CLMP: variants seen among roughly 807,000 people sequenced by gnomAD.
CLMP encodes CXADR like cell adhesion molecule.
Under a neutral mutation model 45.2 loss-of-function variants are expected in CLMP, and 27 were observed. That is an observed-to-expected ratio of 0.60 (90% CI 0.44 to 0.82). CLMP has a LOEUF of 0.82. Ranked by LOEUF, CLMP falls within the 40% of genes least tolerant of loss-of-function variation. CLMP has a pLI of 0.00. For synonymous variants in CLMP, 167 were observed against 171.4 expected, an observed-to-expected ratio of 0.97 and a Z score of 0.20; for missense variants, 403 against 448.4, an observed-to-expected ratio of 0.90 and a Z score of 0.91.
chr11:123,135,417 G>A (rs1278421351), intron 1 of CLMP, among the ~76,000 whole-genome samples: 2 of 152,110 alleles, frequency 1.3e-5, no homozygotes, highest in Non-Finnish European at 2.9e-5. Flanking sequence ...GACTGACAAT[G>A]TCCCAAGAGG....
intron 1 of CLMP, among the ~76,000 whole-genome samples, chr11:123,150,429 AAGAAAGAAAG>A (rs1489016232): frequency 2.4e-5 from 1 of 41,210 alleles, no homozygotes; most frequent in Non-Finnish European, 4.8e-5. Context: ...GAAAGAAAGA[AAGAAAGAAAG>A]AAAGAAAGAA....
At chr11:123,140,227 G>C (rs150398626) in intron 1 of CLMP, among the ~76,000 whole-genome samples, 1 of 152,138 alleles carries the variant, frequency 6.6e-6, no homozygotes, top group Non-Finnish European at 1.5e-5. Context: ...TCGCTCAGGA[G>C]GTCAGGTGAA....
At position 123,142,719 on chromosome 11, in the gene CLMP, C is replaced by T. The variant is rs1036815821; in HGVS notation, c.29-44767G>A. Among the ~76,000 whole-genome samples the T allele has an allele frequency of 8.0e-5, 11 of 137,316 alleles. No homozygotes were observed. The East Asian group carries it at 8.5e-4, about 11-fold the overall frequency. 90.1% of individuals were successfully genotyped at this position (137,316 alleles called of 152,430 possible). A position where few individuals can be genotyped will look rare whatever the true frequency, so the allele number is the denominator to read the frequency against. ...TCGGCTCACTGCAAGCTCCGCTTCC[C>T]GGGTTCACGCCATTCTCCTGCCTCA... On this transcript the variant is annotated intron_variant, in intron 1 of 6. Coordinates refer to ENST00000448775, the MANE Select transcript of CLMP (RefSeq NM_024769.5).
intron 5 of CLMP, among the ~76,000 whole-genome samples, chr11:123,079,341 AT>A (rs1216937780): frequency 1.3e-4 from 19 of 151,580 alleles, no homozygotes; most frequent in South Asian, 2.1e-4. Flanking sequence ...TAAAAGGGTG[AT>A]TTTTTTTTCT....
chr11:123,119,232 C>T (rs141506125), intron 1 of CLMP, among the ~76,000 whole-genome samples: 13 of 151,640 alleles, frequency 8.6e-5, no homozygotes, highest in East Asian at 1.9e-4. Flanking sequence ...TACAGGCACG[C>T]GCCACCACAC....
At chr11:123,116,805 T>C (rs931037029) in intron 1 of CLMP, among the ~76,000 whole-genome samples, 2 of 152,218 alleles carry the variant, frequency 1.3e-5, no homozygotes, top group African/African-American at 4.8e-5. Context: ...ACTTTTCAGA[T>C]TTCACAATTC....
chr11:123,191,487 A>G (rs1861907333), intron 1 of CLMP: 1 of 152,234 alleles, frequency 6.6e-6, no homozygotes, highest in Non-Finnish European at 1.5e-5. Context: ...CCGTGCTGGC[A>G]GAAGTTTCAA....
chr11:123,141,330 A>G (rs538891099), intron 1 of CLMP, among the ~76,000 whole-genome samples: 54 of 151,314 alleles, frequency 3.6e-4, no homozygotes, highest in Middle Eastern at 6.9e-3. Flanking sequence ...GACTACAGGC[A>G]CCCGCCACCA....
At chr11:123,125,372 T>G (rs1860873478) in intron 1 of CLMP, among the ~76,000 whole-genome samples, 1 of 151,960 alleles carries the variant, frequency 6.6e-6, no homozygotes, top group African/African-American at 2.4e-5. Context: ...GCCTACAAGA[T>G]CAAGAGGAGA....
chr11:123,100,392 A>C (rs1866041817), intron 1 of CLMP, among the ~76,000 whole-genome samples: 1 of 152,164 alleles, frequency 6.6e-6, no homozygotes, highest in African/African-American at 2.4e-5. Flanking sequence ...GAAAAAAAAA[A>C]AAAAACCAAA....
chr11:123,105,816 G>GTTTTTTTTT (rs1294721686), intron 1 of CLMP, among the ~76,000 whole-genome samples: 1 of 139,106 alleles, frequency 7.2e-6, no homozygotes, highest in Admixed American at 7.4e-5. Flanking sequence ...TTGTTTGTTT[G>GTTTTTTTTT]TTTTTTGTTT....
chr11:123,146,211 C>T (rs1861236447), intron 1 of CLMP, among the ~76,000 whole-genome samples: 1 of 152,082 alleles, frequency 6.6e-6, no homozygotes, highest in African/African-American at 2.4e-5. Context: ...TCAGATTAGC[C>T]ATTCAAAGGA....
chr11:123,140,942 T>C (rs1861147353), intron 1 of CLMP, among the ~76,000 whole-genome samples: 1 of 152,038 alleles, frequency 6.6e-6, no homozygotes, highest in Non-Finnish European at 1.5e-5. Context: ...TTCTGGATCA[T>C]CTGTTAATTA....
intron 1 of CLMP, among the ~76,000 whole-genome samples, chr11:123,150,500 G>GAAA (rs1555084567): frequency 9.6e-6 from 1 of 103,784 alleles, no homozygotes; most frequent in Non-Finnish European, 2.0e-5. Context: ...AGGAAGGAAG[G>GAAA]AAGGAAGGAA....
intron 1 of CLMP, among the ~76,000 whole-genome samples, chr11:123,178,630 T>C (rs1025826616): frequency 3.3e-5 from 5 of 152,208 alleles, no homozygotes; most frequent in African/African-American, 1.2e-4. Flanking sequence ...GTTAGCATTA[T>C]TGTGACAACT....
intron 1 of CLMP, among the ~76,000 whole-genome samples, chr11:123,177,058 C>T (rs149789360): frequency 2.0e-5 from 3 of 152,152 alleles, no homozygotes; most frequent in African/African-American, 2.4e-5. Flanking sequence ...GTAGCAGGTG[C>T]GGGTGATTGT....
intron 1 of CLMP, among the ~76,000 whole-genome samples, chr11:123,170,205 T>C (rs11219040): frequency 0.46 from 69,428 of 151,984 alleles, 18,222 homozygotes; most frequent in East Asian, 0.6. Flanking sequence ...ATATTTTCAT[T>C]TCCTTCCTTA....
intron 1 of CLMP, among the ~76,000 whole-genome samples, chr11:123,137,030 G>A: frequency 6.6e-6 from 1 of 151,688 alleles, no homozygotes. Context: ...CCCATGTCCA[G>A]TTTCCCGAGC....
intron 1 of CLMP, among the ~76,000 whole-genome samples, chr11:123,154,873 C>A (rs1861391080): frequency 6.6e-6 from 1 of 152,174 alleles, no homozygotes; most frequent in African/African-American, 2.4e-5. Flanking sequence ...TATGTAGTTA[C>A]TGTAATTTGT....
Sources: allele counts gnomAD v4.1 joint callset (sites outside exome capture counted in the v4.1 genomes callset), GRCh38; gene constraint gnomAD v4.1.1; transcripts MANE v1.5; gene names NCBI Gene and HGNC (gene_info 2026-07-23, HGNC 2026-07-21).